Variants in BMPER observed in about 807,000 individuals in gnomAD.
The protein encoded by BMPER is BMP-binding endothelial regulator protein.
In BMPER, 45 loss-of-function variants were observed where a neutral mutation model predicts 87.3. The observed-to-expected ratio is 0.52, with a 90% confidence interval of 0.41 to 0.66. The LOEUF (loss-of-function observed/expected upper bound fraction) is 0.66, where lower values mean the gene tolerates loss of function less well. BMPER is among the 30% of genes least tolerant of loss of function. The probability of loss-of-function intolerance (pLI) is 0.00; values close to 1 mark genes in which losing one functional copy is unlikely to be tolerated. For synonymous variants in BMPER, 326 were observed against 316.2 expected (o/e 1.03, Z -0.33); for missense variants, 784 against 867.5 (o/e 0.90, Z 1.21).
chr7:34,115,081 A>G (rs1216966266), intron 13 of BMPER, among the ~76,000 whole-genome samples: 3 of 152,254 alleles, frequency 2.0e-5, no homozygotes, highest in East Asian at 1.9e-4. Context: ...AGTGCATACT[A>G]TATAAAAATG....
chr7:33,966,604 A>G lies in BMPER; in HGVS notation c.402+43A>G, dbSNP rs1417128562. Reference sequence around the variant, plus strand: ...CTCTCTCCAGTAAAAAGGAATCCATAGAGTCCTCTTTAGTCACCCCTTCAC... The same window carrying G: ...CTCTCTCCAGTAAAAAGGAATCCATGGAGTCCTCTTTAGTCACCCCTTCAC... On this transcript the variant is annotated intron_variant, in intron 4 of 14. Transcript: ENST00000649409. The G allele has an allele frequency of 1.3e-5, 20 of 1,572,382 alleles. No individual in the cohort carries two copies. The East Asian group carries it at 4.3e-4, about 34-fold the overall frequency.
chr7:34,001,835 T>A (rs1026198702), intron 6 of BMPER, among the ~76,000 whole-genome samples: 1 of 151,712 alleles, frequency 6.6e-6, no homozygotes, highest in East Asian at 1.9e-4. Flanking sequence ...TCTCTCTAAG[T>A]ACTATTTTGG....
At chr7:33,999,653 G>A (rs902392460) in intron 6 of BMPER, among the ~76,000 whole-genome samples, 1 of 152,214 alleles carries the variant, frequency 6.6e-6, no homozygotes, top group Admixed American at 6.5e-5. Context: ...ATCTAGATAA[G>A]AGGGTATCCA....
chr7:34,031,119 C>G (rs1284106402), intron 6 of BMPER, among the ~76,000 whole-genome samples: 2 of 152,040 alleles, frequency 1.3e-5, no homozygotes, highest in African/African-American at 4.8e-5. Flanking sequence ...TTTCATCCTT[C>G]CTTCTAGACC....
chr7:34,003,616 A>G (rs188085706), intron 6 of BMPER, among the ~76,000 whole-genome samples: 7 of 152,164 alleles, frequency 4.6e-5, no homozygotes, highest in Non-Finnish European at 7.4e-5. Flanking sequence ...CATATCTGCT[A>G]GTAATGAATT....
At chr7:34,120,407 G>GTT (rs35271585) in intron 13 of BMPER, among the ~76,000 whole-genome samples, 17 of 151,388 alleles carry the variant, frequency 1.1e-4, no homozygotes, top group South Asian at 2.1e-4. Flanking sequence ...TTTGTTTGTT[G>GTT]TTTTTTTTGA....
chr7:34,059,072 A>G (rs934654265), intron 10 of BMPER, among the ~76,000 whole-genome samples: 3 of 152,152 alleles, frequency 2.0e-5, no homozygotes, highest in Admixed American at 1.3e-4. Context: ...AGCCTCAGAC[A>G]TAAAACTGAA....
At chr7:34,012,889 C>T (rs548658872) in intron 6 of BMPER, among the ~76,000 whole-genome samples, 1 of 151,896 alleles carries the variant, frequency 6.6e-6, no homozygotes, top group Non-Finnish European at 1.5e-5. Context: ...TGTGAAAACT[C>T]TAACCATCTG....
At chr7:33,915,893 T>C (rs1447292103) in intron 2 of BMPER, among the ~76,000 whole-genome samples, 1 of 152,250 alleles carries the variant, frequency 6.6e-6, no homozygotes, top group African/African-American at 2.4e-5. Context: ...TGTATGGCTT[T>C]ATGTAAATTG....
chr7:34,128,241 A>C (rs1175365441), intron 13 of BMPER, among the ~76,000 whole-genome samples: 1 of 152,178 alleles, frequency 6.6e-6, no homozygotes, highest in East Asian at 1.9e-4. Context: ...TGTAACTCAA[A>C]TGATGCCACC....
intron 13 of BMPER, among the ~76,000 whole-genome samples, chr7:34,086,377 A>T (rs1789210573): frequency 6.6e-6 from 1 of 152,188 alleles, no homozygotes; most frequent in African/African-American, 2.4e-5. Flanking sequence ...GGGTTTTTCC[A>T]GGTGTTAGCT....
chr7:34,086,846 C>T (rs906114239), intron 13 of BMPER, among the ~76,000 whole-genome samples: 2 of 152,188 alleles, frequency 1.3e-5, no homozygotes, highest in African/African-American at 4.8e-5. Flanking sequence ...CCATTTACTA[C>T]ACAATTCCAT....
intron 13 of BMPER, among the ~76,000 whole-genome samples, chr7:34,126,595 T>C (rs1351778024): frequency 1.3e-5 from 2 of 152,198 alleles, no homozygotes; most frequent in Non-Finnish European, 2.9e-5. Context: ...TGGAAATATA[T>C]AGGTGAGAAA....
At chr7:34,033,414 C>A (rs542278925) in intron 6 of BMPER, among the ~76,000 whole-genome samples, 3 of 152,176 alleles carry the variant, frequency 2.0e-5, no homozygotes, top group Non-Finnish European at 4.4e-5. Flanking sequence ...ACATGTAGTA[C>A]CAATGGATGA....
chr7:34,075,601 G>A (rs907746511), intron 11 of BMPER, among the ~76,000 whole-genome samples: 37 of 152,256 alleles, frequency 2.4e-4, no homozygotes, highest in African/African-American at 6.3e-4. Flanking sequence ...TCTGACTTAC[G>A]CATATTCAAA....
rs142523304 is a variant in BMPER at position 34,153,284 on chromosome 7, G to A, written c.*11G>A. ...TGTCCCCAGCGGTGACCTTTGTTTC[G>A]ATCCTTAAGACTCTGAAATCTGGTG... On this transcript the variant is annotated 3_prime_UTR_variant, in exon 15 of 15. Coordinates refer to ENST00000649409, the MANE Select transcript of BMPER (RefSeq NM_001365308.1). 3,522 of 1,613,606 alleles carry A rather than the reference G, an allele frequency of 2.2e-3. 7 individuals carry two copies. Among genetic ancestry groups the A allele is most frequent in the African/African-American group, 0.014 (1,072 of 74,964 alleles).
At chr7:33,910,227 G>A (rs146120472) in intron 2 of BMPER, among the ~76,000 whole-genome samples, 39 of 152,268 alleles carry the variant, frequency 2.6e-4, no homozygotes, top group African/African-American at 9.1e-4. Flanking sequence ...TCTTTTATGG[G>A]GCCGAGGAAA....
At chr7:34,010,213 C>A (rs1786841910) in intron 6 of BMPER, among the ~76,000 whole-genome samples, 1 of 151,920 alleles carries the variant, frequency 6.6e-6, no homozygotes, top group South Asian at 2.1e-4. Flanking sequence ...CAGATGTCAT[C>A]TCCTATGAAG....
chr7:33,905,519 G>C, upstream of BMPER: 1 of 1,319,882 alleles, frequency 7.6e-7, no homozygotes, highest in South Asian at 1.2e-5. Flanking sequence ...CTCCCGACAC[G>C]CCGGCTGAGA....
Sources: gnomAD v4.1 joint callset for allele counts (sites outside exome capture counted in the v4.1 genomes callset) on GRCh38, gnomAD v4.1.1 for gene constraint, MANE v1.5 for transcripts, NCBI Gene and HGNC (gene_info 2026-07-23, HGNC 2026-07-21) for gene names.